Variants in BTG4 observed in about 807,000 individuals in gnomAD.
BTG4 encodes the protein protein BTG4.
A neutral mutation model predicts 19.3 loss-of-function variants in BTG4; 10 were observed. That is an observed-to-expected ratio of 0.52 (90% CI 0.32 to 0.88). The LOEUF (loss-of-function observed/expected upper bound fraction) is 0.88, where lower values mean the gene tolerates loss of function less well. BTG4 is among the 40% of genes least tolerant of loss of function. The pLI, the probability that BTG4 is intolerant of heterozygous loss-of-function variation, is 0.04. For synonymous variants in BTG4, 91 were observed against 95.7 expected (o/e 0.95, Z 0.29); for missense variants, 238 against 281.9 (o/e 0.84, Z 1.11).
the BTG4 span, among the ~76,000 whole-genome samples, chr11:111,444,251 A>AGAGAG: frequency 8.9e-5 from 12 of 135,486 alleles, no homozygotes; most frequent in African/African-American, 3.3e-4. Context: ...AGAGACAGAG[A>AGAGAG]GAGAGGAGAG....
rs1036907207 is a variant in BTG4, at chr11:111,495,107, C to G, written c.*28G>C. 39 of 1,506,964 alleles carry G rather than the reference C, an allele frequency of 2.6e-5. No individual in the cohort carries two copies. The highest frequency in any genetic ancestry group is 3.4e-5 in the Non-Finnish European group (38 of 1,130,840). 93.3% of individuals were successfully genotyped at this position (1,506,964 alleles called of 1,614,324 possible). On this transcript the variant is annotated 3_prime_UTR_variant, in exon 5 of 5. Transcript: ENST00000692032. ...GAGAATAAAGGCACTCCTCTGAGCT[C>G]TTGCCCACCACGTGCCCAGTCGCTG...
chr11:111,428,777 T>C, the BTG4 span, among the ~76,000 whole-genome samples: 2 of 152,326 alleles, frequency 1.3e-5, no homozygotes, highest in South Asian at 4.1e-4. Context: ...TACCAGGGTC[T>C]ACCAGTGTGA....
At chr11:111,455,684 C>T in the BTG4 span, 2 of 393,580 alleles carry the variant, frequency 5.1e-6, no homozygotes, top group African/African-American at 2.0e-5. Context: ...GAGAATGTGG[C>T]TGCAGGGGGT....
At chr11:111,419,531 T>G in the BTG4 span, among the ~76,000 whole-genome samples, 1 of 152,198 alleles carries the variant, frequency 6.6e-6, no homozygotes, top group African/African-American at 2.4e-5. Context: ...GAAAGAAACA[T>G]GTCTCCCTTG....
At chr11:111,429,994 T>C in the BTG4 span, among the ~76,000 whole-genome samples, 1 of 152,260 alleles carries the variant, frequency 6.6e-6, no homozygotes, top group South Asian at 2.1e-4. Flanking sequence ...CTCTTCTGAT[T>C]AGTACAGGCC....
At chr11:111,398,072 G>C in the BTG4 span, 3 of 152,198 alleles carry the variant, frequency 2.0e-5, no homozygotes, top group African/African-American at 4.8e-5. Context: ...GAAGAGGGTA[G>C]TCACGACCAC....
chr11:111,391,260 T>G, the BTG4 span, among the ~76,000 whole-genome samples: 1 of 152,146 alleles, frequency 6.6e-6, no homozygotes, highest in Non-Finnish European at 1.5e-5. Flanking sequence ...TGGCCCCAGT[T>G]GCTGCGACAA....
chr11:111,492,659 G>A (rs1478703087), downstream of BTG4, among the ~76,000 whole-genome samples: 1 of 152,270 alleles, frequency 6.6e-6, no homozygotes, highest in East Asian at 1.9e-4. Flanking sequence ...TCTATTGGGA[G>A]GATACTGATA....
At chr11:111,491,685 T>C (rs562376531), downstream of BTG4, among the ~76,000 whole-genome samples, 92 of 143,328 alleles carry the variant, frequency 6.4e-4, no homozygotes, top group Non-Finnish European at 1.0e-3. Context: ...CAGTGAGCTA[T>C]GATTGCACCA....
At chr11:111,475,777 A>G (rs1192789598) in intron 5 of BTG4, among the ~76,000 whole-genome samples, 2 of 152,204 alleles carry the variant, frequency 1.3e-5, no homozygotes, top group East Asian at 1.9e-4. Context: ...TAATAAAGAC[A>G]TGCTTCAGAC....
downstream of BTG4, among the ~76,000 whole-genome samples, chr11:111,464,061 A>G (rs376029850): frequency 1.2e-3 from 182 of 152,214 alleles, 2 homozygotes; most frequent in African/African-American, 4.4e-3. Context: ...CAGTGGTGCA[A>G]TCTCCACTCA....
chr11:111,511,318 A>G (rs1866892487), intron 1 of BTG4, among the ~76,000 whole-genome samples: 1 of 152,244 alleles, frequency 6.6e-6, no homozygotes, highest in African/African-American at 2.4e-5. Flanking sequence ...ATGCAAAGAA[A>G]ATGCTATAAC....
intron 5 of BTG4, among the ~76,000 whole-genome samples, chr11:111,468,322 G>A (rs1467981666): frequency 1.3e-5 from 2 of 152,248 alleles, no homozygotes; most frequent in Non-Finnish European, 2.9e-5. Flanking sequence ...CGTGTGCCAG[G>A]AACTCAGCCA....
chr11:111,439,930 A>G, the BTG4 span, among the ~76,000 whole-genome samples: 6 of 152,000 alleles, frequency 3.9e-5, no homozygotes, highest in Admixed American at 3.9e-4. Flanking sequence ...TGCCCCAGCC[A>G]TCTTGGTTAT....
At chr11:111,421,806 AG>A in the BTG4 span, among the ~76,000 whole-genome samples, 1 of 152,108 alleles carries the variant, frequency 6.6e-6, no homozygotes. Flanking sequence ...CCAGCTACTC[AG>A]GAGGCTGAGG....
At chr11:111,419,125 C>T in the BTG4 span, among the ~76,000 whole-genome samples, 1 of 152,178 alleles carries the variant, frequency 6.6e-6, no homozygotes, top group Non-Finnish European at 1.5e-5. Flanking sequence ...AAATAACCTC[C>T]TTAAAGACCT....
At chr11:111,425,017 C>T in the BTG4 span, among the ~76,000 whole-genome samples, 4 of 152,106 alleles carry the variant, frequency 2.6e-5, no homozygotes, top group Non-Finnish European at 5.9e-5. Context: ...AGGGGACAAA[C>T]TGCCATGGCA....
At chr11:111,495,408 G>A (rs769099542) in intron 4 of BTG4, 94 bp from the exon 5 acceptor site, 15 of 1,095,760 alleles carry the variant, frequency 1.4e-5, no homozygotes, top group Non-Finnish European at 1.8e-5. Flanking sequence ...AAAAGCATAG[G>A]GAGCACAAAT....
the BTG4 span, among the ~76,000 whole-genome samples, chr11:111,438,441 T>C: frequency 6.6e-6 from 1 of 152,210 alleles, no homozygotes; most frequent in African/African-American, 2.4e-5. Context: ...TCTTTCTCTG[T>C]GAAACCTTCC....
Sources: allele counts gnomAD v4.1 joint callset (sites outside exome capture counted in the v4.1 genomes callset), GRCh38; gene constraint gnomAD v4.1.1; transcripts MANE v1.5; gene names NCBI Gene and HGNC (gene_info 2026-07-23, HGNC 2026-07-21).